The following MTHFD1L variants were observed in gnomAD, a reference collection of about 807,000 sequenced individuals.
The protein encoded by MTHFD1L is methylenetetrahydrofolate dehydrogenase (NADP+ dependent) 1 like.
A neutral mutation model predicts 119.5 loss-of-function variants in MTHFD1L; 81 were observed. The observed-to-expected ratio is 0.68, with a 90% CI of 0.57 to 0.82. The LOEUF (loss-of-function observed/expected upper bound fraction) is 0.82. MTHFD1L is among the 40% of genes least tolerant of loss of function. The pLI is 0.00. For synonymous variants in MTHFD1L, 430 were observed against 475.2 expected (o/e 0.90, Z 1.24); for missense variants, 1,125 against 1,253.4 (o/e 0.90, Z 1.55).
intron 19 of MTHFD1L, among the ~76,000 whole-genome samples, chr6:150,968,846 CTT>C (rs145806257): frequency 0.21 from 22,768 of 107,928 alleles, 1,720 homozygotes; most frequent in Admixed American, 0.28. Context: ...TTAAATAATT[CTT>C]TTTTTTTTTT....
At chr6:150,957,023 G>A (rs781087847) in intron 17 of MTHFD1L, among the ~76,000 whole-genome samples, 1 of 152,180 alleles carries the variant, frequency 6.6e-6, no homozygotes, top group Non-Finnish European at 1.5e-5. Flanking sequence ...TTAGATTGAT[G>A]ATTAAAAGGA....
rs373795814 is a variant in MTHFD1L at position 150,926,975 on chromosome 6, A to G, written c.1256+680A>G. On this transcript the variant is annotated intron_variant, in intron 11 of 27. Transcript: ENST00000367321. This position sits in a 1 kb window ranked among gnomAD's most constrained non-coding sequence, Gnocchi z 4.3. ...TGACCTGAGGGAACATCATGAGACC[A>G]TATAAATTCCTTTGCTGCCTTGAAA... Among the ~76,000 whole-genome samples, 7 of 152,352 alleles carry G rather than the reference A, an allele frequency of 4.6e-5. No homozygotes were observed. The East Asian group carries it at 1.4e-3, about 29-fold the overall frequency.
chr6:150,976,560 A>C (rs1762177058), intron 20 of MTHFD1L, among the ~76,000 whole-genome samples: 1 of 152,212 alleles, frequency 6.6e-6, no homozygotes, highest in South Asian at 2.1e-4. Flanking sequence ...GTTCTTCAAA[A>C]AGTTGTCGTT....
intron 26 of MTHFD1L, among the ~76,000 whole-genome samples, chr6:151,043,017 G>C (rs1562584905): frequency 6.6e-6 from 1 of 152,136 alleles, no homozygotes; most frequent in South Asian, 2.1e-4. Context: ...TGGCTGTGTT[G>C]CTGTGTTTTC....
At chr6:150,944,392 G>C (rs1211853347) in intron 13 of MTHFD1L, 94 bp from the exon 14 acceptor site, 2 of 862,400 alleles carry the variant, frequency 2.3e-6, no homozygotes, top group South Asian at 1.5e-5. Flanking sequence ...AGAATACAGT[G>C]AGCTATGATC....
chr6:151,042,861 A>G (rs557634376), intron 26 of MTHFD1L, among the ~76,000 whole-genome samples: 2 of 152,154 alleles, frequency 1.3e-5, no homozygotes, highest in Admixed American at 6.5e-5. Context: ...GGCGTATATC[A>G]CTTTTATAAC....
At chr6:150,946,005 C>T (rs574623385) in intron 15 of MTHFD1L, among the ~76,000 whole-genome samples, 3 of 151,906 alleles carry the variant, frequency 2.0e-5, no homozygotes, top group Admixed American at 6.6e-5. Flanking sequence ...AAGAGCCCAT[C>T]TCTTAAAAAA....
chr6:150,999,273 A>G (rs926249257), intron 20 of MTHFD1L, among the ~76,000 whole-genome samples: 1 of 152,144 alleles, frequency 6.6e-6, no homozygotes, highest in Non-Finnish European at 1.5e-5. Context: ...TGCTCAGTAA[A>G]AAGTGTTCTG....
At chr6:150,882,920 G>A (rs893136287) in intron 5 of MTHFD1L, 34 bp downstream of exon 5, 21 of 1,534,856 alleles carry the variant, frequency 1.4e-5, no homozygotes, top group Middle Eastern at 1.7e-4. Flanking sequence ...CAACCTTTAT[G>A]GCTAAATCAC....
Position 151,057,627 on chromosome 6 carries a change from G to A in MTHFD1L, c.2847+20510G>A, listed in dbSNP as rs141159729. ...AGCCTGGGCAACAGAGTGAGACCCT[G>A]TCTTAAAAAAACAAAAAGACCCATG... On this transcript the variant is annotated intron_variant, in intron 26 of 27. Coordinates refer to ENST00000367321, the MANE Select transcript of MTHFD1L (RefSeq NM_015440.5). Among the ~76,000 whole-genome samples the A allele has an allele frequency of 6.1e-3, 931 of 152,020 alleles. 8 individuals carry two copies. The highest frequency in any genetic ancestry group is 0.021 in the African/African-American group (880 of 41,462).
At chr6:151,043,659 T>C (rs1199604151) in intron 26 of MTHFD1L, among the ~76,000 whole-genome samples, 1 of 152,198 alleles carries the variant, frequency 6.6e-6, no homozygotes, top group African/African-American at 2.4e-5. Flanking sequence ...TCCATTGACT[T>C]CGCATTGAGG....
intron 20 of MTHFD1L, among the ~76,000 whole-genome samples, chr6:150,990,993 A>G (rs1418930506): frequency 6.6e-6 from 1 of 152,102 alleles, no homozygotes; most frequent in Non-Finnish European, 1.5e-5. Context: ...AGTAGCTGGG[A>G]TTACAGGCAC....
chr6:151,008,308 G>A (rs1004764732), intron 20 of MTHFD1L, among the ~76,000 whole-genome samples: 5 of 152,154 alleles, frequency 3.3e-5, no homozygotes, highest in Non-Finnish European at 5.9e-5. Flanking sequence ...TTTTTCTCCC[G>A]CCAGTTCCGA....
intron 11 of MTHFD1L, among the ~76,000 whole-genome samples, chr6:150,927,538 ACT>A (rs1790240935): frequency 6.7e-6 from 1 of 148,834 alleles, no homozygotes; most frequent in African/African-American, 2.5e-5. Context: ...CTCACTGCAA[ACT>A]CTGCCTCCCG....
chr6:151,026,820 C>CTT (rs1158007442), intron 24 of MTHFD1L, among the ~76,000 whole-genome samples: 29,866 of 51,062 alleles, frequency 0.58, 13,654 homozygotes, highest in East Asian at 0.71. Context: ...CCTTTCTATC[C>CTT]TTTTTTTTTT....
In MTHFD1L at chr6:151,009,867, AC is replaced by A; in HGVS notation, c.2175del (p.Asn725LysfsTer16). The A allele has an allele frequency of 6.2e-7, 1 of 1,613,936 alleles. No homozygotes were observed. The highest frequency in any genetic ancestry group is 8.5e-7 in the Non-Finnish European group (1 of 1,179,942). ...GACATCGGAATGGAGAAATTCTTCAACATCAAGTGCCGAGCTTCCGGCTTGG... is the reference window on the plus strand; with the variant it reads ...GACATCGGAATGGAGAAATTCTTCAAATCAAGTGCCGAGCTTCCGGCTTGG... ...GADIGMEKFF[N>X]IKCRASGLVP... is the part of the protein sequence containing the mutation. On this transcript the variant is annotated frameshift_variant, in exon 21 of 28. Transcript: ENST00000367321. LOFTEE classifies it high-confidence loss of function.
intron 20 of MTHFD1L, among the ~76,000 whole-genome samples, chr6:150,984,654 G>A (rs952384752): frequency 1.3e-4 from 19 of 151,320 alleles, no homozygotes; most frequent in African/African-American, 3.4e-4. Context: ...TGATGTTCAC[G>A]TTTTTGAACT....
At chr6:150,895,223 C>A (rs993321558) in intron 7 of MTHFD1L, among the ~76,000 whole-genome samples, 1 of 152,148 alleles carries the variant, frequency 6.6e-6, no homozygotes, top group Admixed American at 6.5e-5. Flanking sequence ...TCTTCCTGAC[C>A]CCGATGATTT....
intron 26 of MTHFD1L, among the ~76,000 whole-genome samples, chr6:151,059,885 G>T (rs1435679969): frequency 2.0e-5 from 3 of 152,196 alleles, no homozygotes; most frequent in East Asian, 3.9e-4. Flanking sequence ...GATGCTTTCA[G>T]TGGGTTTTGG....
Sources: allele counts gnomAD v4.1 joint callset (sites outside exome capture counted in the v4.1 genomes callset), GRCh38; gene constraint gnomAD v4.1.1; non-coding constraint Gnocchi (gnomAD v3.1); transcripts MANE v1.5; gene names NCBI Gene and HGNC (gene_info 2026-07-23, HGNC 2026-07-21).